Variants in DNM3 observed in about 807,000 individuals in gnomAD.
DNM3 encodes the protein dynamin 3.
DNM3 carries 47 observed loss-of-function variants against 101.6 expected under a neutral mutation model. The ratio of observed to expected loss-of-function variants is 0.46; its 90% CI spans 0.37 to 0.59. The LOEUF (loss-of-function observed/expected upper bound fraction) is 0.59. DNM3 is among the 20% of genes least tolerant of loss of function. The pLI is 0.00. For synonymous variants in DNM3, 385 were observed against 387.9 expected (o/e 0.99, Z 0.09); for missense variants, 849 against 1,085.7 (o/e 0.78, Z 3.06).
chr1:172,038,293 T>G lies in DNM3; in HGVS notation c.850-26T>G, dbSNP rs760126440. On this transcript the variant is annotated intron_variant, in intron 6 of 20. Coordinates refer to ENST00000627582, the MANE Select transcript of DNM3 (RefSeq NM_015569.5). ...TGTGTATATGATTCAATCTTCAATC[T>G]GTGTGTATCATTTTGTTTTGTTTAG... 3.7e-6 allele frequency: 6 copies of G among 1,612,298 alleles called. No homozygotes were observed. The East Asian group carries it at 1.1e-4, about 30-fold the overall frequency.
rs757937517 is a variant in DNM3 at position 172,308,763 on chromosome 1, C to A, written c.1805C>A (p.Ala602Glu). The A allele has an allele frequency of 6.2e-7, 1 of 1,607,518 alleles. No individual in the cohort carries two copies. The highest frequency in any genetic ancestry group is 1.1e-5 in the South Asian group (1 of 89,838). ...VYKDYRFLEL[A>E]CDSQEDVDSW... is the part of the protein sequence containing the mutation. Reference sequence around the variant, plus strand: ...AAAGACTATCGCTTCCTTGAGCTGGCATGTGATTCCCAGGAGGATGTCGAC... The same window carrying A: ...AAAGACTATCGCTTCCTTGAGCTGGAATGTGATTCCCAGGAGGATGTCGAC... Residue 602 changes from alanine (A) to glutamate (E), a missense_variant, in exon 16 of 21, where the codon GCA (alanine) becomes GAA (glutamate). Physicochemically the swap from Ala to Glu is moderately radical, Grantham distance 107. Coordinates refer to ENST00000627582, the MANE Select transcript of DNM3 (RefSeq NM_015569.5).
At chr1:171,956,040 T>C (rs1054465336) in intron 2 of DNM3, among the ~76,000 whole-genome samples, 1 of 151,994 alleles carries the variant, frequency 6.6e-6, no homozygotes, top group Non-Finnish European at 1.5e-5. Context: ...CATGTGGGAG[T>C]TGTGGGAGCT....
intron 14 of DNM3, among the ~76,000 whole-genome samples, chr1:172,217,617 T>C (rs1473798245): frequency 6.6e-6 from 1 of 152,132 alleles, no homozygotes; most frequent in Admixed American, 6.6e-5. Context: ...TCTTTCTTCT[T>C]CTCCTAATTT....
intron 1 of DNM3, among the ~76,000 whole-genome samples, chr1:171,904,727 G>A (rs2038668242): frequency 6.6e-6 from 1 of 152,150 alleles, no homozygotes; most frequent in Non-Finnish European, 1.5e-5. Context: ...CTTATGGTAG[G>A]TATGGCTATG....
At chr1:172,239,235 CTAGGTACA>C (rs2061654235) in intron 14 of DNM3, among the ~76,000 whole-genome samples, 1 of 152,310 alleles carries the variant, frequency 6.6e-6, no homozygotes, top group Admixed American at 6.5e-5. Flanking sequence ...TGTTTCTCTA[CTAGGTACA>C]TAATTAACTT....
intron 10 of DNM3, among the ~76,000 whole-genome samples, chr1:172,053,389 T>C (rs1453302033): frequency 1.3e-5 from 2 of 152,182 alleles, no homozygotes; most frequent in Admixed American, 1.3e-4. Context: ...AAAGGGCCTC[T>C]GTGAGTCACT....
chr1:172,146,685 A>T (rs899720330), intron 14 of DNM3, among the ~76,000 whole-genome samples: 2 of 152,166 alleles, frequency 1.3e-5, no homozygotes, highest in Admixed American at 6.6e-5. Context: ...ACTCACATGA[A>T]GTCCTCATAG....
chr1:172,077,619 G>C (rs549851338), intron 11 of DNM3, among the ~76,000 whole-genome samples: 1 of 152,080 alleles, frequency 6.6e-6, no homozygotes, highest in Admixed American at 6.6e-5. Context: ...GTAGTTGTGC[G>C]CTTTTGAGTT....
chr1:171,928,645 A>G (rs1000327671), intron 2 of DNM3, among the ~76,000 whole-genome samples: 2 of 151,976 alleles, frequency 1.3e-5, no homozygotes, highest in Non-Finnish European at 2.9e-5. Flanking sequence ...TTGCTTCTTC[A>G]TTAGTCTGAG....
rs150452889 is a variant in DNM3 at position 172,295,584 on chromosome 1, A to G, written c.1770-13144A>G. Among the ~76,000 whole-genome samples the G allele has an allele frequency of 2.9e-3, 447 of 152,322 alleles. 5 individuals are homozygous for G. Among genetic ancestry groups the G allele is most frequent in the African/African-American group, 9.9e-3 (412 of 41,588 alleles). ...TATATATACAAAAGTGAATTCAAGA[A>G]TGATTTTAAAAACTGAAAGATAACT... On this transcript the variant is annotated intron_variant, in intron 15 of 20. Coordinates refer to ENST00000627582, the MANE Select transcript of DNM3 (RefSeq NM_015569.5).
intron 14 of DNM3, among the ~76,000 whole-genome samples, chr1:172,154,226 G>C (rs1298460762): frequency 6.6e-6 from 1 of 152,010 alleles, no homozygotes; most frequent in Non-Finnish European, 1.5e-5. Flanking sequence ...TTGAATGGAA[G>C]GAGTCAAAGA....
chr1:171,956,434 A>G (rs989432998), intron 2 of DNM3, among the ~76,000 whole-genome samples: 61 of 152,318 alleles, frequency 4.0e-4, no homozygotes, highest in Non-Finnish European at 1.8e-4. Flanking sequence ...CTTTGACTCC[A>G]TGTCTCACAT....
chr1:172,065,878 C>T (rs1480855805), intron 10 of DNM3, among the ~76,000 whole-genome samples: 1 of 152,084 alleles, frequency 6.6e-6, no homozygotes, highest in Non-Finnish European at 1.5e-5. Flanking sequence ...AGTATCTGTG[C>T]AAATCTTTTT....
chr1:171,876,064 C>T (rs2035754181), intron 1 of DNM3, among the ~76,000 whole-genome samples: 1 of 152,058 alleles, frequency 6.6e-6, no homozygotes, highest in Admixed American at 6.5e-5. Flanking sequence ...CCCCCTCGGC[C>T]TCGCAAAGTC....
chr1:172,376,286 T>C (rs2068597027), intron 17 of DNM3: 1 of 152,068 alleles, frequency 6.6e-6, no homozygotes, highest in South Asian at 2.1e-4. Context: ...AACCTGCACA[T>C]AAAAGGTTAA....
intron 14 of DNM3, among the ~76,000 whole-genome samples, chr1:172,151,942 A>T (rs1252824432): frequency 6.6e-6 from 1 of 152,110 alleles, no homozygotes; most frequent in East Asian, 1.9e-4. Context: ...GTGGTGCAGT[A>T]ATGGCGCACT....
At chr1:172,071,491 C>T (rs949916227) in intron 11 of DNM3, among the ~76,000 whole-genome samples, 2 of 152,078 alleles carry the variant, frequency 1.3e-5, no homozygotes, top group Non-Finnish European at 2.9e-5. Flanking sequence ...CCATGTGGTA[C>T]TTTTAAAGTA....
At chr1:172,318,619 A>G (rs1248473970) in intron 16 of DNM3, among the ~76,000 whole-genome samples, 1 of 152,216 alleles carries the variant, frequency 6.6e-6, no homozygotes, top group African/African-American at 2.4e-5. Context: ...CCAAATCATG[A>G]GTGAACTACC....
intron 13 of DNM3, among the ~76,000 whole-genome samples, chr1:172,117,270 G>A (rs59877716): frequency 0.01 from 1,549 of 151,856 alleles, 29 homozygotes; most frequent in African/African-American, 0.035. Context: ...CCAGAATGGC[G>A]GCATTTTTTT....
Sources: allele counts gnomAD v4.1 joint callset (sites outside exome capture counted in the v4.1 genomes callset), GRCh38; gene constraint gnomAD v4.1.1; transcripts MANE v1.5; gene names NCBI Gene and HGNC (gene_info 2026-07-23, HGNC 2026-07-21).